Variants in ASB4 observed in about 807,000 individuals in gnomAD.
The protein encoded by ASB4 is ankyrin repeat and SOCS box containing 4.
Under a neutral mutation model 38.6 loss-of-function variants are expected in ASB4, and 35 were observed. The observed-to-expected ratio is 0.91, with a 90% CI of 0.69 to 1.20. The LOEUF is 1.20. ASB4 is among the 50% of genes most tolerant of loss of function. The pLI, the probability that ASB4 is intolerant of heterozygous loss-of-function variation, is 0.00. For synonymous variants in ASB4, 195 were observed against 201.3 expected, an observed-to-expected ratio of 0.97 and a Z score of 0.26; for missense variants, 557 against 527.2, an observed-to-expected ratio of 1.06 and a Z score of -0.55.
chr7:95,504,478 C>G lies in ASB4; in HGVS notation c.487+8421C>G, dbSNP rs148900076. 2.2e-4 allele frequency among the ~76,000 whole-genome samples: 33 copies of G among 152,248 alleles called. 2 individuals are homozygous for G. The East Asian group carries it at 6.0e-3, about 28-fold the overall frequency. ...GCTGCTCTTACCACCTCACCGCGTT[C>G]CATCTTTTCATCTTCTGCGTTATAC... On this transcript the variant is annotated intron_variant, in intron 2 of 4. Transcript: ENST00000325885.
intron 2 of ASB4, among the ~76,000 whole-genome samples, chr7:95,517,740 T>C (rs1470686529): frequency 6.6e-6 from 1 of 151,444 alleles, no homozygotes; most frequent in African/African-American, 2.4e-5. Context: ...TCCAGTGGAG[T>C]GTGGGGACAG....
chr7:95,470,988 TTTA>T, the ASB4 span, among the ~76,000 whole-genome samples: 2 of 152,198 alleles, frequency 1.3e-5, no homozygotes, highest in African/African-American at 4.8e-5. Flanking sequence ...CAACTCCTAC[TTTA>T]TTCCATATTT....
At chr7:95,478,304 G>A (rs1221307008), upstream of ASB4, 2 of 152,214 alleles carry the variant, frequency 1.3e-5, no homozygotes, top group East Asian at 1.9e-4. Flanking sequence ...ATACAAGCTG[G>A]TGTTGATGTT....
intron 2 of ASB4, among the ~76,000 whole-genome samples, chr7:95,500,443 G>C (rs1790318606): frequency 6.6e-6 from 1 of 151,568 alleles, no homozygotes; most frequent in African/African-American, 2.4e-5. Context: ...TGGTGCATCT[G>C]TATTCCTAGC....
chr7:95,509,588 G>A (rs1485518513), intron 2 of ASB4, among the ~76,000 whole-genome samples: 1 of 152,104 alleles, frequency 6.6e-6, no homozygotes, highest in Non-Finnish European at 1.5e-5. Flanking sequence ...ATCTTTGTGC[G>A]TCAGTCCTCC....
At chr7:95,517,942 T>C (rs1319530796) in intron 2 of ASB4, among the ~76,000 whole-genome samples, 1 of 152,112 alleles carries the variant, frequency 6.6e-6, no homozygotes, top group Non-Finnish European at 1.5e-5. Context: ...GGAATGGAGA[T>C]GTTGGGTAAA....
chr7:95,474,869 A>G (rs968186974), upstream of ASB4, among the ~76,000 whole-genome samples: 2 of 152,186 alleles, frequency 1.3e-5, no homozygotes, highest in African/African-American at 2.4e-5. Flanking sequence ...TTCAACAGTA[A>G]AATGGTTTTA....
upstream of ASB4, among the ~76,000 whole-genome samples, chr7:95,477,734 C>A (rs961531818): frequency 2.5e-5 from 3 of 121,350 alleles, no homozygotes; most frequent in South Asian, 2.6e-4. Flanking sequence ...TTAACAAGAA[C>A]CTTTTTTTTT....
upstream of ASB4, among the ~76,000 whole-genome samples, chr7:95,474,837 A>G (rs1789960717): frequency 6.6e-6 from 1 of 152,202 alleles, no homozygotes; most frequent in South Asian, 2.1e-4. Context: ...ATTAGTTTTT[A>G]TATCATTATG....
the ASB4 span, among the ~76,000 whole-genome samples, chr7:95,550,706 G>A: frequency 0.43 from 65,133 of 151,938 alleles, 14,335 homozygotes; most frequent in East Asian, 0.82. Flanking sequence ...AAGGAAAATA[G>A]TCAACAACTT....
chr7:95,472,376 T>C, the ASB4 span, among the ~76,000 whole-genome samples: 1 of 152,080 alleles, frequency 6.6e-6, no homozygotes. Context: ...TTTGAACAAA[T>C]CTCAATAATA....
At chr7:95,508,874 C>G (rs1211165360) in intron 2 of ASB4, among the ~76,000 whole-genome samples, 3 of 152,136 alleles carry the variant, frequency 2.0e-5, no homozygotes, top group African/African-American at 7.2e-5. Context: ...ATAGTGGACA[C>G]TGAACAAGCA....
At chr7:95,488,771 T>G (rs1790130260) in intron 1 of ASB4, among the ~76,000 whole-genome samples, 1 of 152,204 alleles carries the variant, frequency 6.6e-6, no homozygotes. Context: ...CTTGATTACT[T>G]TTCACAAAAT....
chr7:95,538,133 T>A lies in ASB4; in HGVS notation c.*374T>A, dbSNP rs561081117. ...TGCCTTATCAGTAATATGTTTACAT[T>A]CTCATTCAAATGGCCATATAGCAGG... On this transcript the variant is annotated 3_prime_UTR_variant, in exon 5 of 5. Transcript: ENST00000325885. 1 of 162,728 alleles carries A rather than the reference T, an allele frequency of 6.1e-6. No homozygotes were observed. The highest frequency in any genetic ancestry group is 2.0e-4 in the South Asian group (1 of 5,126). The allele number at this position is 162,728 out of a possible 1,614,324, so 10.1% of individuals were successfully genotyped here. A position where few individuals can be genotyped will look rare whatever the true frequency, so the allele number is the denominator to read the frequency against.
At chr7:95,550,227 A>C in the ASB4 span, among the ~76,000 whole-genome samples, 1 of 152,308 alleles carries the variant, frequency 6.6e-6, no homozygotes, top group African/African-American at 2.4e-5. Flanking sequence ...CAGCAGGTCT[A>C]AAAGTCCAAG....
chr7:95,533,345 A>T (rs555841430), intron 3 of ASB4, among the ~76,000 whole-genome samples: 10 of 152,300 alleles, frequency 6.6e-5, no homozygotes, highest in South Asian at 2.1e-4. Flanking sequence ...CTACACTAAA[A>T]AGGGAAAATT....
At chr7:95,525,253 G>A (rs986869072) in intron 2 of ASB4, among the ~76,000 whole-genome samples, 2 of 152,112 alleles carry the variant, frequency 1.3e-5, no homozygotes, top group African/African-American at 4.8e-5. Flanking sequence ...CAGAGGTGTG[G>A]GAGAATAAAT....
intron 2 of ASB4, 191 bp downstream of exon 2, chr7:95,496,248 A>T (rs1365780228): frequency 1.9e-6 from 1 of 513,822 alleles, no homozygotes; most frequent in Non-Finnish European, 3.4e-6. Flanking sequence ...AAATCTTATT[A>T]TCTAATAGCA....
intron 2 of ASB4, among the ~76,000 whole-genome samples, chr7:95,500,745 C>A (rs752063174): frequency 2.6e-5 from 4 of 152,034 alleles, no homozygotes; most frequent in South Asian, 2.1e-4. Context: ...AAGACTGGAA[C>A]CTTTCAGTTA....
Sources: gnomAD v4.1 joint callset for allele counts (sites outside exome capture counted in the v4.1 genomes callset) on GRCh38, gnomAD v4.1.1 for gene constraint, MANE v1.5 for transcripts, NCBI Gene and HGNC (gene_info 2026-07-23, HGNC 2026-07-21) for gene names.